The following PDE7B variants were observed in gnomAD, a reference collection of about 807,000 sequenced individuals.
PDE7B encodes phosphodiesterase 7B.
A neutral mutation model predicts 56.2 loss-of-function variants in PDE7B; 29 were observed. That is an observed-to-expected ratio of 0.52 (90% CI 0.38 to 0.70). The LOEUF (loss-of-function observed/expected upper bound fraction) is 0.70. Among genes scored for constraint, PDE7B ranks in the 30% least tolerant of loss-of-function variants. PDE7B has a pLI of 0.00. For synonymous variants in PDE7B, 197 were observed against 196.9 expected (o/e 1.00, Z 0.00); for missense variants, 490 against 565.0 (o/e 0.87, Z 1.35).
intron 4 of PDE7B, among the ~76,000 whole-genome samples, chr6:136,147,954 T>A (rs973936036): frequency 2.5e-4 from 38 of 152,224 alleles, no homozygotes; most frequent in Admixed American, 2.0e-3. Flanking sequence ...TTCCTTTTCA[T>A]AATTTTTAAT....
At chr6:135,910,172 T>A (rs1776188055) in intron 1 of PDE7B, among the ~76,000 whole-genome samples, 1 of 152,180 alleles carries the variant, frequency 6.6e-6, no homozygotes, top group Admixed American at 6.5e-5. Flanking sequence ...ACAGCTAAGT[T>A]CACCAGGGAG....
chr6:135,903,997 G>C (rs952670367), intron 1 of PDE7B, among the ~76,000 whole-genome samples: 1 of 152,044 alleles, frequency 6.6e-6, no homozygotes, highest in Non-Finnish European at 1.5e-5. Context: ...TATTTGAATA[G>C]AATGCTTTTC....
At chr6:135,868,819 A>G (rs571556988) in intron 1 of PDE7B, among the ~76,000 whole-genome samples, 25 of 152,346 alleles carry the variant, frequency 1.6e-4, no homozygotes, top group Admixed American at 5.2e-4. Context: ...CTTAACTGAA[A>G]TTGAATTTTA....
chr6:135,945,780 G>A (rs1774587069), intron 1 of PDE7B, among the ~76,000 whole-genome samples: 1 of 152,150 alleles, frequency 6.6e-6, no homozygotes, highest in African/African-American at 2.4e-5. Context: ...GAAATATGTA[G>A]TGAGAACAAG....
At chr6:136,095,696 C>T (rs567357237) in intron 2 of PDE7B, 6 of 152,224 alleles carry the variant, frequency 3.9e-5, no homozygotes, top group Non-Finnish European at 7.3e-5. Context: ...GTTAAGGGCA[C>T]AGGCTGTGGA....
chr6:135,979,630 A>G (rs1775258135), intron 2 of PDE7B, among the ~76,000 whole-genome samples: 1 of 152,166 alleles, frequency 6.6e-6, no homozygotes, highest in East Asian at 1.9e-4. Flanking sequence ...AAAAATCACA[A>G]GTATTCTTAT....
intron 1 of PDE7B, among the ~76,000 whole-genome samples, chr6:135,934,848 TAAATAAATATATATAA>T (rs1774374593): frequency 1.2e-5 from 1 of 82,314 alleles, no homozygotes; most frequent in African/African-American, 4.3e-5. Flanking sequence ...TATATTTATT[TAAATAAATATATATAA>T]AAATATATAT....
At chr6:136,068,532 A>G (rs768341066) in intron 2 of PDE7B, among the ~76,000 whole-genome samples, 370 of 143,206 alleles carry the variant, frequency 2.6e-3, no homozygotes, top group African/African-American at 2.5e-3. Flanking sequence ...CCGGGTTCAC[A>G]CCATTCTCCT....
intron 1 of PDE7B, among the ~76,000 whole-genome samples, chr6:135,924,269 TTTAA>T (rs1194642837): frequency 1.3e-5 from 2 of 152,124 alleles, no homozygotes; most frequent in Non-Finnish European, 2.9e-5. Context: ...TTGGAAACAA[TTTAA>T]TTGTTCTGAT....
rs1249866082 is a variant in PDE7B, at chr6:135,934,754, A to ATTTT, written c.22-12707_22-12704dup. ...CAAAAAAAAAAATATATATATATAT[A>ATTTT]TTTTTTAAATATATATATATATTTA... On this transcript the variant is annotated intron_variant, in intron 1 of 12. Transcript: ENST00000308191. Among the ~76,000 whole-genome samples, 8 of 115,112 alleles carry ATTTT rather than the reference A, an allele frequency of 6.9e-5. No individual in the cohort carries two copies. In the South Asian group the frequency reaches 1.2e-3, roughly 18 times the overall value. The allele number at this position is 115,112 out of a possible 152,430, so 75.5% of individuals were successfully genotyped here.
chr6:135,969,799 A>T (rs149966649), intron 2 of PDE7B, among the ~76,000 whole-genome samples: 1 of 152,186 alleles, frequency 6.6e-6, no homozygotes. Flanking sequence ...AGAAACTATC[A>T]TCAGCGTCTG....
intron 1 of PDE7B, among the ~76,000 whole-genome samples, chr6:135,888,660 TA>T (rs998519969): frequency 6.7e-6 from 1 of 148,802 alleles, no homozygotes; most frequent in Non-Finnish European, 1.5e-5. Flanking sequence ...ATAAATATTA[TA>T]AAAAATAAGT....
chr6:136,116,808 G>A (rs773618138), intron 3 of PDE7B, among the ~76,000 whole-genome samples: 1 of 152,184 alleles, frequency 6.6e-6, no homozygotes, highest in Non-Finnish European at 1.5e-5. Context: ...GCCAGAACAG[G>A]CGTCATGAAG....
intron 3 of PDE7B, among the ~76,000 whole-genome samples, chr6:136,131,897 CTT>C (rs1047444267): frequency 2.6e-5 from 4 of 152,182 alleles, no homozygotes; most frequent in African/African-American, 9.6e-5. Flanking sequence ...TTCTCACTCT[CTT>C]GTTCACTGAT....
chr6:136,124,376 C>A (rs1048929470), intron 3 of PDE7B, among the ~76,000 whole-genome samples: 3 of 151,928 alleles, frequency 2.0e-5, no homozygotes, highest in Non-Finnish European at 4.4e-5. Flanking sequence ...AATTGTGCAA[C>A]CCAATTTTAA....
rs572844374 is a variant in PDE7B, at chr6:135,879,541, T to C, written c.21+27522T>C. ...GGACCTACAAAAAGTGGTTTTTTTT[T>C]TCTTAAGAGTACTTTTAAAAATATT... On this transcript the variant is annotated intron_variant, in intron 1 of 12. Coordinates refer to ENST00000308191, the MANE Select transcript of PDE7B (RefSeq NM_018945.4). Among the ~76,000 whole-genome samples the C allele has an allele frequency of 2.0e-5, 3 of 152,340 alleles. No homozygotes were observed. In the South Asian group the frequency reaches 6.2e-4, roughly 32 times the overall value.
chr6:136,161,079 T>C (rs1778695369), intron 8 of PDE7B, among the ~76,000 whole-genome samples: 1 of 152,226 alleles, frequency 6.6e-6, no homozygotes, highest in African/African-American at 2.4e-5. Flanking sequence ...AAATGTAGTA[T>C]TCCATGGTAT....
intron 1 of PDE7B, among the ~76,000 whole-genome samples, chr6:135,892,453 T>G (rs1410797455): frequency 6.6e-6 from 1 of 152,196 alleles, no homozygotes; most frequent in Non-Finnish European, 1.5e-5. Context: ...CATATGACCA[T>G]ATGATTTCTA....
intron 2 of PDE7B, among the ~76,000 whole-genome samples, chr6:136,025,699 C>T (rs772486195): frequency 3.9e-5 from 6 of 152,112 alleles, no homozygotes; most frequent in Non-Finnish European, 7.3e-5. Context: ...GACTAGGTAA[C>T]CAGATTTACC....
Sources: gnomAD v4.1 joint callset for allele counts (sites outside exome capture counted in the v4.1 genomes callset) on GRCh38, gnomAD v4.1.1 for gene constraint, MANE v1.5 for transcripts, NCBI Gene and HGNC (gene_info 2026-07-23, HGNC 2026-07-21) for gene names.